ELN: variants seen among roughly 807,000 people sequenced by gnomAD.
ELN encodes the protein elastin.
In ELN, 65 loss-of-function variants were observed where a neutral mutation model predicts 105.8. That is an observed-to-expected ratio of 0.61 (90% CI 0.50 to 0.75). ELN has a LOEUF of 0.75. ELN is among the 30% of genes least tolerant of loss of function. The pLI, the probability that ELN is intolerant of heterozygous loss-of-function variation, is 0.00. For synonymous variants in ELN, 368 were observed against 389.2 expected (o/e 0.95, Z 0.64); for missense variants, 882 against 969.4 (o/e 0.91, Z 1.20).
At chr7:74,029,557 A>G (rs1465989750) in intron 1 of ELN, among the ~76,000 whole-genome samples, 1 of 151,998 alleles carries the variant, frequency 6.6e-6, no homozygotes, top group Non-Finnish European at 1.5e-5. Flanking sequence ...CACGGGGTGG[A>G]GTCAAGGGCC....
chr7:74,046,036 C>T (rs1269911254), intron 10 of ELN, 152 bp from the exon 11 acceptor site: 10 of 1,098,940 alleles, frequency 9.1e-6, no homozygotes, highest in East Asian at 4.9e-5. Context: ...ACTCCATCTC[C>T]GAAAAAAGAA....
intron 23 of ELN, 38 bp downstream of exon 23, chr7:74,060,085 A>G: frequency 6.2e-7 from 1 of 1,614,030 alleles, no homozygotes; most frequent in Non-Finnish European, 8.5e-7. Flanking sequence ...GGGGCCCCCG[A>G]AGCCTCCATG....
At chr7:74,054,401 C>T (rs1456092696) in intron 18 of ELN, among the ~76,000 whole-genome samples, 6 of 149,634 alleles carry the variant, frequency 4.0e-5, no homozygotes, top group African/African-American at 9.9e-5. Flanking sequence ...ACCGGGGAGG[C>T]GGAGATTGCA....
chr7:74,056,174 A>T (rs755636227), intron 19 of ELN, 97 bp from the exon 20 acceptor site: 1 of 1,525,518 alleles, frequency 6.6e-7, no homozygotes, highest in Non-Finnish European at 9.1e-7. Flanking sequence ...GCCTGGGGGA[A>T]ATTTACATCC....
intron 4 of ELN, among the ~76,000 whole-genome samples, chr7:74,040,904 A>T (rs1791057978): frequency 6.6e-6 from 1 of 151,866 alleles, no homozygotes; most frequent in Admixed American, 6.6e-5. Flanking sequence ...TCGCTCACGG[A>T]CTCTGCTCTG....
At chr7:74,037,875 G>A in intron 4 of ELN, 136 bp downstream of exon 4, 1 of 1,326,674 alleles carries the variant, frequency 7.5e-7, no homozygotes, top group Non-Finnish European at 1.1e-6. Flanking sequence ...AGGGAGGTGT[G>A]GACACCGATT....
At chr7:74,041,286 G>C in intron 5 of ELN, 35 bp downstream of exon 5, 1 of 1,613,528 alleles carries the variant, frequency 6.2e-7, no homozygotes, top group Non-Finnish European at 8.5e-7. Context: ...TATCCCCTGT[G>C]GGGACCAGCC....
chr7:74,048,670 A>G (rs1421493173), intron 15 of ELN, 114 bp downstream of exon 15: 9 of 1,210,494 alleles, frequency 7.4e-6, no homozygotes, highest in Middle Eastern at 2.5e-4. Context: ...ATTTACTCAA[A>G]ATTTTCAACA....
At chr7:74,039,535 G>C (rs1790712084) in intron 4 of ELN, among the ~76,000 whole-genome samples, 1 of 152,232 alleles carries the variant, frequency 6.6e-6, no homozygotes, top group South Asian at 2.1e-4. Flanking sequence ...GACAGAGGGT[G>C]GGTGGCCTGG....
In ELN at chr7:74,068,767, C is replaced by A; in HGVS notation, c.*67C>A. 6.3e-7 allele frequency: 1 copy of A among 1,583,874 alleles called. No individual in the cohort carries two copies. The highest frequency in any genetic ancestry group is 8.7e-7 in the Non-Finnish European group (1 of 1,152,738). On this transcript the variant is annotated 3_prime_UTR_variant, in exon 33 of 33. Coordinates refer to ENST00000252034, the MANE Select transcript of ELN (RefSeq NM_000501.4). ...GCTACTGCTTGGTGGAGAATGTAAA[C>A]CCTTTGTAACCCCATCCCATGCCCC...
chr7:74,060,997 A>G, intron 25 of ELN, 104 bp from the exon 26 acceptor site: 1 of 1,379,562 alleles, frequency 7.2e-7, no homozygotes, highest in South Asian at 1.2e-5. Flanking sequence ...TTGAGGAAGC[A>G]ATAGAGGCCA....
At chr7:74,051,010 G>A (rs535264188) in intron 15 of ELN, among the ~76,000 whole-genome samples, 6 of 152,172 alleles carry the variant, frequency 3.9e-5, no homozygotes, top group African/African-American at 1.4e-4. Context: ...CTATAAAAAT[G>A]TTAACTCACT....
At chr7:74,035,537 C>G (rs782751937) in intron 2 of ELN, 123 bp downstream of exon 2, 29 of 1,172,984 alleles carry the variant, frequency 2.5e-5, no homozygotes, top group Non-Finnish European at 3.5e-5. Context: ...GTCACACCCA[C>G]TTAAAAATGC....
chr7:74,038,027 G>T, intron 4 of ELN: 1 of 460,844 alleles, frequency 2.2e-6, no homozygotes. Context: ...GCTGTCCAGA[G>T]ACTCCTCTCT....
chr7:74,048,600 A>T, intron 15 of ELN, 44 bp downstream of exon 15: 1 of 1,611,812 alleles, frequency 6.2e-7, no homozygotes, highest in Non-Finnish European at 8.5e-7. Flanking sequence ...CCAGGCCCCT[A>T]GCCTCTCCAT....
chr7:74,046,848 C>CACT, intron 12 of ELN, 81 bp downstream of exon 12: 1 of 1,502,668 alleles, frequency 6.7e-7, no homozygotes, highest in Non-Finnish European at 9.2e-7. Context: ...CTTTGGGAGG[C>CACT]TAAGGCGGGC....
intron 1 of ELN, among the ~76,000 whole-genome samples, chr7:74,031,856 G>A (rs868947378): frequency 9.9e-5 from 13 of 130,876 alleles, no homozygotes; most frequent in Admixed American, 2.4e-4. Context: ...AAGGAAGGAA[G>A]GAAAGAAGGA....
chr7:74,066,305 G>A (rs529666690), intron 31 of ELN, among the ~76,000 whole-genome samples: 2 of 152,282 alleles, frequency 1.3e-5, no homozygotes, highest in South Asian at 4.1e-4. Flanking sequence ...GGTGGCTCAC[G>A]CCTGTAATCC....
intron 32 of ELN, among the ~76,000 whole-genome samples, chr7:74,067,353 T>G (rs1798177881): frequency 6.6e-6 from 1 of 151,908 alleles, no homozygotes; most frequent in Middle Eastern, 3.4e-3. Flanking sequence ...CTGCAACCTC[T>G]GCCTCCTAGG....
Sources: allele counts gnomAD v4.1 joint callset (sites outside exome capture counted in the v4.1 genomes callset), GRCh38; gene constraint gnomAD v4.1.1; transcripts MANE v1.5; gene names NCBI Gene and HGNC (gene_info 2026-07-23, HGNC 2026-07-21).